Variants in PRKCZ observed in about 807,000 individuals in gnomAD.
PRKCZ encodes the protein protein kinase C zeta type.
A neutral mutation model predicts 79.5 loss-of-function variants in PRKCZ; 33 were observed. The observed-to-expected ratio is 0.41, with a 90% CI of 0.31 to 0.55. The LOEUF is 0.55. Among genes scored for constraint, PRKCZ ranks in the 20% least tolerant of loss-of-function variants. The pLI is 0.19. For synonymous variants in PRKCZ, 342 were observed against 320.9 expected (o/e 1.07, Z -0.70); for missense variants, 578 against 813.5 (o/e 0.71, Z 3.52).
intron 4 of PRKCZ, among the ~76,000 whole-genome samples, chr1:2,095,839 C>T (rs1571332467): frequency 7.9e-6 from 1 of 126,986 alleles, no homozygotes; most frequent in Admixed American, 7.6e-5. Flanking sequence ...CCTCCCTTCT[C>T]CTCTTTTCCC....
At chr1:2,080,078 C>T (rs1663198723) in intron 4 of PRKCZ, among the ~76,000 whole-genome samples, 1 of 152,220 alleles carries the variant, frequency 6.6e-6, no homozygotes, top group African/African-American at 2.4e-5. Context: ...GGGGTTCGGC[C>T]CAGTACAGTC....
At position 2,173,949 on chromosome 1, in the gene PRKCZ, C is replaced by T. The variant is rs749070919; in HGVS notation, c.1338C>T (p.Ala446=). 27 of 1,612,750 alleles carry T rather than the reference C, an allele frequency of 1.7e-5. No homozygotes were observed. The highest frequency in any genetic ancestry group is 1.7e-4 in the Middle Eastern group (1 of 6,056). The part of the protein sequence containing the change: ...ALGVLMFEMM[A]GRSPFDIITD... Reference sequence around the variant, plus strand: ...GAGTCCTCATGTTTGAGATGATGGCCGGGCGCTCCCCGTTCGACATCATCA... The same window carrying T: ...GAGTCCTCATGTTTGAGATGATGGCTGGGCGCTCCCCGTTCGACATCATCA... Residue 446 remains alanine, a synonymous_variant, in exon 14 of 18, where the codon GCC becomes GCT. Transcript: ENST00000378567. This position sits in a 1 kb window ranked among gnomAD's most constrained non-coding sequence, Gnocchi z 5.7.
intron 4 of PRKCZ, among the ~76,000 whole-genome samples, chr1:2,108,685 G>T (rs1350020977): frequency 2.0e-5 from 3 of 152,232 alleles, no homozygotes; most frequent in African/African-American, 7.2e-5. Flanking sequence ...AGTCCCCAGG[G>T]CTGTGAGCGA....
rs114274501 is a variant in PRKCZ, at chr1:2,135,872, T to C, written c.420+525T>C. On this transcript the variant is annotated intron_variant, in intron 5 of 17. Transcript: ENST00000378567. ...CTTGTTTCTCTTTATGATGCTTTTC[T>C]AGTTCCTATGAAATGGGTGATTCAG... 2.2e-3 allele frequency among the ~76,000 whole-genome samples: 328 copies of C among 152,348 alleles called. 1 individual carries two copies. The highest frequency in any genetic ancestry group is 7.5e-3 in the African/African-American group (311 of 41,582).
At chr1:2,121,928 C>G (rs61775455) in intron 4 of PRKCZ, among the ~76,000 whole-genome samples, 30 of 778 alleles carry the variant, frequency 0.039, no homozygotes, top group African/African-American at 0.089. Flanking sequence ...CTGTAGTTAG[C>G]GTCATGGTGG....
intron 4 of PRKCZ, among the ~76,000 whole-genome samples, chr1:2,114,406 TAATC>T (rs1295196530): frequency 3.3e-5 from 5 of 152,176 alleles, no homozygotes; most frequent in South Asian, 2.1e-4. Context: ...GTCACAAAAA[TAATC>T]AAACAGCAGG....
intron 4 of PRKCZ, among the ~76,000 whole-genome samples, chr1:2,109,090 C>G (rs1669193563): frequency 6.6e-6 from 1 of 152,234 alleles, no homozygotes; most frequent in South Asian, 2.1e-4. Flanking sequence ...CCCAGATCAT[C>G]CAGGAACATC....
chr1:2,130,326 A>C (rs1028715819), intron 4 of PRKCZ, among the ~76,000 whole-genome samples: 6 of 152,144 alleles, frequency 3.9e-5, no homozygotes, highest in Admixed American at 3.9e-4. Context: ...CATTTCACTG[A>C]GGCAAGACCC....
At chr1:2,161,183 G>C (rs540804169) in intron 10 of PRKCZ, among the ~76,000 whole-genome samples, 3 of 152,346 alleles carry the variant, frequency 2.0e-5, no homozygotes, top group African/African-American at 7.2e-5. Flanking sequence ...CCTTTGTTCT[G>C]CCGACACACG....
At chr1:2,122,549 TCACGG>T (rs1672538505) in intron 4 of PRKCZ, among the ~76,000 whole-genome samples, 1 of 16,076 alleles carries the variant, frequency 6.2e-5, no homozygotes, top group Non-Finnish European at 9.5e-5. Context: ...GTGGTTAGGG[TCACGG>T]TGGTGGTTAG....
chr1:2,168,822 AT>A lies in PRKCZ; in HGVS notation c.975-693del, dbSNP rs1192473496. On this transcript the variant is annotated intron_variant, in intron 10 of 17. Transcript: ENST00000378567. The surrounding 1 kb of genome is among the most constrained non-coding windows in gnomAD (Gnocchi z 4.7). ...GACCTAAAAAAACCCGCCACAGGGT[AT>A]TTCTGGGAGATTGTATGAGAATTTA... The A allele has an allele frequency of 4.8e-5, 10 of 206,274 alleles. No individual in the cohort carries two copies. The highest frequency in any genetic ancestry group is 2.7e-4 in the Admixed American group (5 of 18,732). 12.8% of individuals were successfully genotyped at this position (206,274 alleles called of 1,614,324 possible). A position where few individuals can be genotyped will look rare whatever the true frequency, so the allele number is the denominator to read the frequency against.
chr1:2,104,428 G>C (rs964160190), intron 4 of PRKCZ, among the ~76,000 whole-genome samples: 6 of 152,328 alleles, frequency 3.9e-5, no homozygotes, highest in Admixed American at 6.5e-5. Context: ...CTGAACCTCA[G>C]GGCCTCTGTG....
Position 2,172,007 on chromosome 1 carries a change from C to T in PRKCZ, c.1062-48C>T, listed in dbSNP as rs756876362. 1.4e-5 allele frequency: 22 copies of T among 1,542,566 alleles called. No individual in the cohort carries two copies. Among genetic ancestry groups the T allele is most frequent in the Non-Finnish European group, 1.9e-5 (22 of 1,145,600 alleles). On this transcript the variant is annotated intron_variant, in intron 11 of 17. Transcript: ENST00000378567. This position sits in a 1 kb window ranked among gnomAD's most constrained non-coding sequence, Gnocchi z 7.8. ...GGCCCCCAGGCTGGAGCTGTTGGCG[C>T]AGCCTCTGGCACAGGCACTGCCCCC...
Position 2,172,064 on chromosome 1 carries a change from G to A in PRKCZ, c.1071G>A (p.Ala357=), listed in dbSNP as rs759965891. 18 of 1,607,372 alleles carry A rather than the reference G, an allele frequency of 1.1e-5. No individual in the cohort carries two copies. Among genetic ancestry groups the A allele is most frequent in the Middle Eastern group, 1.7e-4 (1 of 6,014 alleles). The change falls in exon 12 of 18, where the codon GCG becomes GCA. Residue 357 remains alanine (A), a synonymous_variant. Transcript: ENST00000378567. This position sits in a 1 kb window ranked among gnomAD's most constrained non-coding sequence, Gnocchi z 7.8. ...KLPEEHARFY[A]AEICIALNFL... ...GCATCCCCACCCCCAGGTTCTACGC[G>A]GCCGAGATCTGCATCGCCCTCAACT...
intron 4 of PRKCZ, among the ~76,000 whole-genome samples, chr1:2,102,973 AAGCCTCCCACCTC>A (rs1667757169): frequency 6.6e-6 from 1 of 151,572 alleles, no homozygotes; most frequent in Non-Finnish European, 1.5e-5. Flanking sequence ...GGGCTCAAGC[AAGCCTCCCACCTC>A]AGCCTCCCAA....
chr1:2,144,190 CG>C lies in PRKCZ; in HGVS notation c.421-19del. The C allele has an allele frequency of 1.3e-6, 2 of 1,550,168 alleles. No individual in the cohort carries two copies. The highest frequency in any genetic ancestry group is 1.7e-6 in the Non-Finnish European group (2 of 1,145,934). On this transcript the variant is annotated intron_variant, in intron 5 of 17. Coordinates refer to ENST00000378567, the MANE Select transcript of PRKCZ (RefSeq NM_002744.6). ...GCCCCTCAGTGTGGCCTGGGCCTGA[CG>C]CTCTGTTCCCACCTGCAGAGAGCGT...
chr1:2,175,380 TCCCAAC>T (rs1327586034), intron 16 of PRKCZ, 67 bp downstream of exon 16: 56 of 1,138,030 alleles, frequency 4.9e-5, no homozygotes, highest in African/African-American at 1.3e-4. Flanking sequence ...CCAACCCCCA[TCCCAAC>T]CCCAACCCCA....
At chr1:2,155,196 A>T (rs1199487371) in intron 9 of PRKCZ, among the ~76,000 whole-genome samples, 1 of 151,410 alleles carries the variant, frequency 6.6e-6, no homozygotes, top group Non-Finnish European at 1.5e-5. Context: ...GGTGATGAAG[A>T]TGTTGATGAT....
At chr1:2,055,333 G>C (rs1660065999) in intron 1 of PRKCZ, 108 bp from the exon 2 acceptor site, 2 of 1,365,032 alleles carry the variant, frequency 1.5e-6, no homozygotes, top group Non-Finnish European at 2.0e-6. Flanking sequence ...ATTGTCTTTG[G>C]GGAAAGTTTC....
Sources: gnomAD v4.1 joint callset for allele counts (sites outside exome capture counted in the v4.1 genomes callset) on GRCh38, gnomAD v4.1.1 for gene constraint, Gnocchi (gnomAD v3.1) non-coding constraint, MANE v1.5 for transcripts, NCBI Gene and HGNC (gene_info 2026-07-23, HGNC 2026-07-21) for gene names.